Variants in ANKS1B observed in about 807,000 individuals in gnomAD.
ANKS1B encodes ankyrin repeat and sterile alpha motif domain containing 1B, also known as ankyrin repeat and sterile alpha motif domain-containing protein 1B.
A neutral mutation model predicts 148.3 loss-of-function variants in ANKS1B; 36 were observed. The observed-to-expected ratio is 0.24, with a 90% CI of 0.19 to 0.32. The LOEUF (loss-of-function observed/expected upper bound fraction) is 0.32, where lower values mean the gene tolerates loss of function less well. Among genes scored for constraint, ANKS1B ranks in the 10% least tolerant of loss-of-function variants. The pLI is 1.00. For missense variants in ANKS1B, 1,157 were observed against 1,542.6 expected (o/e 0.75, Z 4.19); for synonymous variants, 542 against 560.8 (o/e 0.97, Z 0.47).
At chr12:99,342,180 C>T (rs892395772) in intron 12 of ANKS1B, among the ~76,000 whole-genome samples, 2 of 151,848 alleles carry the variant, frequency 1.3e-5, no homozygotes, top group Admixed American at 6.6e-5. Context: ...ATTAATTAAA[C>T]GCGACTAAAA....
At chr12:99,235,928 C>G (rs1348442442) in intron 14 of ANKS1B, among the ~76,000 whole-genome samples, 1 of 152,150 alleles carries the variant, frequency 6.6e-6, no homozygotes, top group Non-Finnish European at 1.5e-5. Flanking sequence ...TCTTAGCCAC[C>G]CAGGCCAATC....
intron 1 of ANKS1B, among the ~76,000 whole-genome samples, chr12:99,876,409 T>C (rs1337600022): frequency 1.3e-5 from 2 of 151,894 alleles, no homozygotes. Context: ...CCCAGGAACA[T>C]AAAAAGAAGA....
chr12:98,875,924 C>A (rs907858305), intron 17 of ANKS1B, among the ~76,000 whole-genome samples: 3 of 152,010 alleles, frequency 2.0e-5, no homozygotes, highest in Admixed American at 2.0e-4. Flanking sequence ...CACCTGTTGG[C>A]CGGTGGCTCT....
chr12:98,772,716 G>T (rs969799160), intron 25 of ANKS1B, among the ~76,000 whole-genome samples: 3 of 152,126 alleles, frequency 2.0e-5, no homozygotes, highest in African/African-American at 7.2e-5. Flanking sequence ...ACAATTCAAG[G>T]TGAGATTTGG....
chr12:98,856,745 G>T (rs1234778854), intron 17 of ANKS1B, among the ~76,000 whole-genome samples: 1 of 152,146 alleles, frequency 6.6e-6, no homozygotes, highest in East Asian at 1.9e-4. Flanking sequence ...TAGGAGGACA[G>T]ATGCTTGACA....
chr12:99,474,294 GT>G (rs2096283175), intron 10 of ANKS1B, among the ~76,000 whole-genome samples: 2 of 152,040 alleles, frequency 1.3e-5, no homozygotes, highest in Admixed American at 6.6e-5. Flanking sequence ...GTTCATTAAG[GT>G]TTGATAAAAC....
chr12:99,418,634 T>A (rs1315914090), intron 11 of ANKS1B, among the ~76,000 whole-genome samples: 1 of 152,162 alleles, frequency 6.6e-6, no homozygotes, highest in Non-Finnish European at 1.5e-5. Flanking sequence ...TGCCTTTTAT[T>A]TTTTTGTTTT....
At chr12:99,943,823 T>C (rs1326075185) in intron 1 of ANKS1B, among the ~76,000 whole-genome samples, 1 of 152,092 alleles carries the variant, frequency 6.6e-6, no homozygotes, top group African/African-American at 2.4e-5. Context: ...TTTTTTTAAA[T>C]TATACTTTAA....
intron 11 of ANKS1B, among the ~76,000 whole-genome samples, chr12:99,439,631 C>T (rs2095517197): frequency 6.6e-6 from 1 of 151,496 alleles, no homozygotes; most frequent in Non-Finnish European, 1.5e-5. Flanking sequence ...AGAAGAATGG[C>T]TAAAATAAAA....
At chr12:99,024,834 T>C (rs1221087238) in intron 17 of ANKS1B, among the ~76,000 whole-genome samples, 1 of 152,196 alleles carries the variant, frequency 6.6e-6, no homozygotes. Flanking sequence ...AATATGCTTG[T>C]GTCTTAATCA....
chr12:99,965,375 T>C (rs1603521882), intron 1 of ANKS1B, among the ~76,000 whole-genome samples: 2 of 152,000 alleles, frequency 1.3e-5, no homozygotes, highest in Admixed American at 1.3e-4. Context: ...CAGCAAACCA[T>C]GAGTCCACAC....
At chr12:99,547,893 G>A (rs1450542232) in intron 9 of ANKS1B, among the ~76,000 whole-genome samples, 1 of 152,080 alleles carries the variant, frequency 6.6e-6, no homozygotes, top group Non-Finnish European at 1.5e-5. Context: ...GCAAAATTAA[G>A]GGATTGCAGA....
intron 1 of ANKS1B, among the ~76,000 whole-genome samples, chr12:99,859,444 TTTG>T (rs2089700918): frequency 6.6e-6 from 1 of 152,210 alleles, no homozygotes; most frequent in Non-Finnish European, 1.5e-5. Context: ...TACTGTTAGC[TTTG>T]CTAGGAGATC....
intron 10 of ANKS1B, among the ~76,000 whole-genome samples, chr12:99,451,801 GTA>G (rs1555437532): frequency 6.6e-6 from 1 of 151,702 alleles, no homozygotes; most frequent in Non-Finnish European, 1.5e-5. Flanking sequence ...GTGTGTGTGT[GTA>G]TGTGTATGTC....
At position 99,476,881 on chromosome 12, in the gene ANKS1B, G is replaced by C. The variant is rs1239457340; in HGVS notation, c.1438+27595C>G. On this transcript the variant is annotated intron_variant, in intron 10 of 26. Coordinates refer to ENST00000683438, the MANE Select transcript of ANKS1B (RefSeq NM_001352186.2). Reference sequence around the variant, plus strand: ...CTATGGTCTCATCTGAGGCTTGACTGGGAGAAATTGACTTCAAAGACCACT... The same window carrying C: ...CTATGGTCTCATCTGAGGCTTGACTCGGAGAAATTGACTTCAAAGACCACT... Among the ~76,000 whole-genome samples the C allele has an allele frequency of 3.9e-5, 6 of 152,068 alleles. No individual in the cohort carries two copies. In the South Asian group the frequency reaches 1.2e-3, roughly 32 times the overall value.
intron 14 of ANKS1B, among the ~76,000 whole-genome samples, chr12:99,179,709 T>C (rs1601448476): frequency 6.6e-6 from 1 of 152,232 alleles, no homozygotes; most frequent in East Asian, 1.9e-4. Flanking sequence ...TCCTTTCTCA[T>C]CTATAAAATT....
intron 19 of ANKS1B, among the ~76,000 whole-genome samples, chr12:98,821,115 G>A (rs1309331546): frequency 2.6e-5 from 4 of 152,124 alleles, no homozygotes; most frequent in Non-Finnish European, 5.9e-5. Flanking sequence ...GAAAACTAAG[G>A]CTCTGCATAG....
At chr12:99,585,740 C>T (rs890461549) in intron 9 of ANKS1B, among the ~76,000 whole-genome samples, 21 of 152,198 alleles carry the variant, frequency 1.4e-4, no homozygotes, top group African/African-American at 4.3e-4. Context: ...ACCAACACCA[C>T]GTGGAAGTTG....
At chr12:99,639,252 T>G (rs2098276683) in intron 9 of ANKS1B, among the ~76,000 whole-genome samples, 1 of 152,236 alleles carries the variant, frequency 6.6e-6, no homozygotes. Flanking sequence ...TTGGCCAATT[T>G]CTCCCTTTTG....
Sources: gnomAD v4.1 joint callset for allele counts (sites outside exome capture counted in the v4.1 genomes callset) on GRCh38, gnomAD v4.1.1 for gene constraint, MANE v1.5 for transcripts, NCBI Gene and HGNC (gene_info 2026-07-23, HGNC 2026-07-21) for gene names.